The following GLTP variants were observed in gnomAD, a reference collection of about 807,000 sequenced individuals.
The protein encoded by GLTP is glycolipid transfer protein.
A neutral mutation model predicts 24.0 loss-of-function variants in GLTP; 22 were observed. The observed-to-expected ratio is 0.92, with a 90% CI of 0.65 to 1.31. The LOEUF (loss-of-function observed/expected upper bound fraction) is 1.31, where lower values mean the gene tolerates loss of function less well. Ranked by LOEUF, GLTP falls within the 50% of genes most tolerant of loss-of-function variation. The pLI is 0.00. For synonymous variants in GLTP, 92 were observed against 115.9 expected (o/e 0.79, Z 1.33); for missense variants, 224 against 276.6 (o/e 0.81, Z 1.35).
At chr12:109,869,995 G>C (rs1395532733) in intron 1 of GLTP, among the ~76,000 whole-genome samples, 1 of 151,162 alleles carries the variant, frequency 6.6e-6, no homozygotes, top group African/African-American at 2.4e-5. Context: ...CTGCCTGCCT[G>C]GGCCTCCCAA....
intron 1 of GLTP, among the ~76,000 whole-genome samples, chr12:109,870,511 T>C (rs1390419778): frequency 6.6e-6 from 1 of 151,424 alleles, no homozygotes; most frequent in Non-Finnish European, 1.5e-5. Flanking sequence ...AAAAAGAAGG[T>C]ATTATCATTT....
intron 1 of GLTP, among the ~76,000 whole-genome samples, chr12:109,871,719 G>T (rs1343288792): frequency 6.6e-6 from 1 of 152,222 alleles, no homozygotes; most frequent in African/African-American, 2.4e-5. Context: ...GGCATATCCT[G>T]GGAGCCACTC....
intron 2 of GLTP, chr12:109,858,086 C>G (rs971372872): frequency 4.1e-5 from 19 of 458,532 alleles, no homozygotes; most frequent in African/African-American, 3.8e-4. Context: ...GGAACGAAGG[C>G]CTCTGAGATG....
intron 1 of GLTP, among the ~76,000 whole-genome samples, chr12:109,879,469 C>A (rs540330589): frequency 6.6e-6 from 1 of 152,132 alleles, no homozygotes; most frequent in African/African-American, 2.4e-5. Flanking sequence ...CTTCCCAATG[C>A]GCCCAGGAAC....
At chr12:109,858,967 G>T (rs537528885) in intron 1 of GLTP, among the ~76,000 whole-genome samples, 1 of 152,336 alleles carries the variant, frequency 6.6e-6, no homozygotes, top group African/African-American at 2.4e-5. Context: ...ACCAACCACA[G>T]AGGCATGATG....
chr12:109,872,177 C>A (rs1289351854), intron 1 of GLTP, among the ~76,000 whole-genome samples: 2 of 152,242 alleles, frequency 1.3e-5, no homozygotes, highest in Non-Finnish European at 2.9e-5. Flanking sequence ...ACTTAAGCAG[C>A]CATGCAGCTG....
At chr12:109,853,604 C>A (rs1892755749) in intron 4 of GLTP, among the ~76,000 whole-genome samples, 1 of 150,372 alleles carries the variant, frequency 6.7e-6, no homozygotes. Context: ...AGGAGAATTG[C>A]TTGAACCCGG....
intron 1 of GLTP, among the ~76,000 whole-genome samples, chr12:109,873,933 C>T (rs956928216): frequency 6.6e-6 from 1 of 152,182 alleles, no homozygotes; most frequent in Non-Finnish European, 1.5e-5. Context: ...AGTTATGGAC[C>T]AGCTTGGCGG....
chr12:109,870,746 C>A (rs1287796471), intron 1 of GLTP, among the ~76,000 whole-genome samples: 1 of 152,072 alleles, frequency 6.6e-6, no homozygotes, highest in African/African-American at 2.4e-5. Context: ...CAAATGTATT[C>A]CAGACCATTA....
chr12:109,860,233 C>A (rs1892855003), intron 1 of GLTP: 2 of 183,954 alleles, frequency 1.1e-5, no homozygotes, highest in Non-Finnish European at 1.2e-5. Context: ...CCGCCTCAGC[C>A]TCCCAAAGTG....
At chr12:109,869,958 T>C (rs966956189) in intron 1 of GLTP, among the ~76,000 whole-genome samples, 1 of 151,638 alleles carries the variant, frequency 6.6e-6, no homozygotes, top group Non-Finnish European at 1.5e-5. Flanking sequence ...GGTTTCACCA[T>C]ATCTCGAACT....
chr12:109,867,926 C>T (rs1178368387), intron 1 of GLTP, among the ~76,000 whole-genome samples: 6 of 152,034 alleles, frequency 3.9e-5, no homozygotes, highest in Admixed American at 6.6e-5. Flanking sequence ...TACAGGTGCC[C>T]GCCACCACGC....
At chr12:109,879,413 G>C (rs1868989351) in intron 1 of GLTP, among the ~76,000 whole-genome samples, 1 of 152,176 alleles carries the variant, frequency 6.6e-6, no homozygotes, top group African/African-American at 2.4e-5. Context: ...TGGCTGGACT[G>C]GGCTAGGCTG....
chr12:109,869,316 A>AAAG (rs1718458828), intron 1 of GLTP, among the ~76,000 whole-genome samples: 2 of 148,378 alleles, frequency 1.3e-5, no homozygotes, highest in South Asian at 4.2e-4. Context: ...AAAAAAAAAA[A>AAAG]AAAAGAAAGA....
Position 109,872,437 on chromosome 12 carries a change from A to G in GLTP, c.103+7835T>C, listed in dbSNP as rs921561259. ...CTCATCTGTCCACGGTGTTCAGGGCATGGATGTCAGAGGAAGAGAATCAGA... is the reference window on the plus strand; with the variant it reads ...CTCATCTGTCCACGGTGTTCAGGGCGTGGATGTCAGAGGAAGAGAATCAGA... On this transcript the variant is annotated intron_variant, in intron 1 of 4. Transcript: ENST00000318348. Among the ~76,000 whole-genome samples the G allele has an allele frequency of 3.9e-5, 6 of 152,278 alleles. No individual in the cohort carries two copies. In the South Asian group the frequency reaches 1.2e-3, roughly 32 times the overall value.
At chr12:109,873,633 CAAA>C (rs774803716) in intron 1 of GLTP, among the ~76,000 whole-genome samples, 2 of 53,650 alleles carry the variant, frequency 3.7e-5, no homozygotes, top group Admixed American at 2.1e-4. Flanking sequence ...GACTCTGTCT[CAAA>C]AAAAAAAAAA....
intron 1 of GLTP, among the ~76,000 whole-genome samples, chr12:109,874,749 A>C (rs74968759): frequency 0.026 from 3,916 of 152,190 alleles, 172 homozygotes; most frequent in African/African-American, 0.09. Flanking sequence ...CATGTATCTT[A>C]TTTTAGTTTA....
At chr12:109,879,502 G>C (rs1868993120) in intron 1 of GLTP, among the ~76,000 whole-genome samples, 1 of 152,080 alleles carries the variant, frequency 6.6e-6, no homozygotes, top group South Asian at 2.1e-4. Context: ...TACAGGGGAG[G>C]GGCTTCCTCT....
At chr12:109,859,540 AC>A (rs1335766249) in intron 1 of GLTP, among the ~76,000 whole-genome samples, 1 of 150,686 alleles carries the variant, frequency 6.6e-6, no homozygotes, top group Non-Finnish European at 1.5e-5. Context: ...TTTTTTTTGC[AC>A]AGATCTTGAT....
Sources: gnomAD v4.1 joint callset for allele counts (sites outside exome capture counted in the v4.1 genomes callset) on GRCh38, gnomAD v4.1.1 for gene constraint, MANE v1.5 for transcripts, NCBI Gene and HGNC (gene_info 2026-07-23, HGNC 2026-07-21) for gene names.